SGCD: variants seen among roughly 807,000 people sequenced by gnomAD.
SGCD encodes the protein sarcoglycan delta.
Under a neutral mutation model 36.6 loss-of-function variants are expected in SGCD, and 18 were observed. The ratio of observed to expected loss-of-function variants is 0.49; its 90% CI spans 0.34 to 0.73. SGCD has a LOEUF of 0.73. Ranked by LOEUF, SGCD falls within the 30% of genes least tolerant of loss-of-function variation. The pLI is 0.01. For synonymous variants in SGCD, 133 were observed against 130.6 expected (o/e 1.02, Z -0.12); for missense variants, 387 against 346.7 (o/e 1.12, Z -0.92).
intron 1 of SGCD, among the ~76,000 whole-genome samples, chr5:155,876,835 C>T (rs943173750): frequency 1.3e-5 from 2 of 152,092 alleles, no homozygotes; most frequent in African/African-American, 4.8e-5. Flanking sequence ...ATGACCTTCA[C>T]TGTGCTTCAA....
chr5:156,659,938 C>A (rs1763837651), intron 7 of SGCD, among the ~76,000 whole-genome samples: 1 of 149,112 alleles, frequency 6.7e-6, no homozygotes, highest in African/African-American at 2.5e-5. Flanking sequence ...GGTGCCCAAT[C>A]TATAATAGTT....
chr5:156,448,731 CTTT>C (rs1158844774), intron 3 of SGCD, among the ~76,000 whole-genome samples: 1,494 of 75,922 alleles, frequency 0.02, 16 homozygotes, highest in African/African-American at 0.024. Context: ...TTTTCTTTTT[CTTT>C]TTTTTTTTTT....
At chr5:156,006,275 TGCATTATG>T (rs1457186105) in intron 1 of SGCD, among the ~76,000 whole-genome samples, 1 of 152,256 alleles carries the variant, frequency 6.6e-6, no homozygotes, top group Non-Finnish European at 1.5e-5. Context: ...AGCATTTATA[TGCATTATG>T]GCACTTTCTA....
intron 3 of SGCD, among the ~76,000 whole-genome samples, chr5:156,426,800 G>A (rs939607856): frequency 1.3e-5 from 2 of 151,500 alleles, no homozygotes; most frequent in Non-Finnish European, 3.0e-5. Flanking sequence ...TGAATAAGGT[G>A]TCCTTTCCCC....
the SGCD span, among the ~76,000 whole-genome samples, chr5:155,830,258 C>A: frequency 6.6e-6 from 1 of 152,162 alleles, no homozygotes. Context: ...GTGGGCTTCT[C>A]CTGAGGCCCC....
intron 4 of SGCD, among the ~76,000 whole-genome samples, chr5:156,529,314 AC>A (rs891097110): frequency 2.6e-5 from 4 of 151,212 alleles, no homozygotes; most frequent in African/African-American, 4.9e-5. Flanking sequence ...AGTCCCAGCT[AC>A]TCGGGAGGCT....
At chr5:156,668,751 T>TG (rs1165287689) in intron 7 of SGCD, among the ~76,000 whole-genome samples, 2 of 152,086 alleles carry the variant, frequency 1.3e-5, no homozygotes, top group African/African-American at 2.4e-5. Flanking sequence ...TGTTATCTGG[T>TG]GGAGTGTAGG....
At chr5:156,364,445 T>C (rs1769982958) in intron 3 of SGCD, among the ~76,000 whole-genome samples, 1 of 152,126 alleles carries the variant, frequency 6.6e-6, no homozygotes, top group Non-Finnish European at 1.5e-5. Context: ...TTGGGGGCAG[T>C]GCATGGCTTA....
At chr5:155,821,291 A>T in the SGCD span, among the ~76,000 whole-genome samples, 1 of 152,112 alleles carries the variant, frequency 6.6e-6, no homozygotes, top group African/African-American at 2.4e-5. Flanking sequence ...AGACTTATGT[A>T]CAAGAACAGT....
At chr5:155,730,475 G>GTGTGTGTGTGTGTGTGTGTGTGTGTGTGT in the SGCD span, among the ~76,000 whole-genome samples, 1 of 151,202 alleles carries the variant, frequency 6.6e-6, no homozygotes, top group African/African-American at 2.4e-5. Flanking sequence ...GTGTGTGTGT[G>GTGTGTGTGTGTGTGTGTGTGTGTGTGTGT]GCGAGGGGAA....
In SGCD at chr5:156,478,733, G is replaced by A. The variant is rs142800814; in HGVS notation, c.193-29868G>A. On this transcript the variant is annotated intron_variant, in intron 3 of 8. Transcript: ENST00000337851. ...GTGGCTGGGATTACAGGTGTGAGCCGCTACGCCTAGCTAATTTTTGTATTT... is the reference window on the plus strand; with the variant it reads ...GTGGCTGGGATTACAGGTGTGAGCCACTACGCCTAGCTAATTTTTGTATTT... Among the ~76,000 whole-genome samples the A allele has an allele frequency of 2.6e-3, 396 of 151,832 alleles. 2 individuals carry two copies. Among genetic ancestry groups the A allele is most frequent in the African/African-American group, 9.1e-3 (378 of 41,398 alleles).
At chr5:156,228,290 A>T (rs1392552682) in intron 3 of SGCD, among the ~76,000 whole-genome samples, 1 of 152,054 alleles carries the variant, frequency 6.6e-6, no homozygotes, top group Non-Finnish European at 1.5e-5. Context: ...TCTTAGGTCT[A>T]TTGGTAATTC....
chr5:156,589,668 G>T (rs372626984), intron 5 of SGCD, among the ~76,000 whole-genome samples: 3 of 152,300 alleles, frequency 2.0e-5, no homozygotes, highest in Non-Finnish European at 2.9e-5. Flanking sequence ...GGCTGTGTTG[G>T]ATTGGTTGAG....
At chr5:155,763,865 C>G in the SGCD span, among the ~76,000 whole-genome samples, 1 of 88,904 alleles carries the variant, frequency 1.1e-5, no homozygotes, top group African/African-American at 3.4e-5. Flanking sequence ...TTATATACCT[C>G]TCTCTCTCTC....
At chr5:155,971,085 C>T (rs1328015567) in intron 1 of SGCD, among the ~76,000 whole-genome samples, 1 of 152,100 alleles carries the variant, frequency 6.6e-6, no homozygotes. Flanking sequence ...GATAGCAGAG[C>T]TTATGAATTT....
At position 156,760,133 on chromosome 5, in the gene SGCD, T is replaced by TAAATCAGCACAAA. The variant is rs1757472981; in HGVS notation, c.*745_*757dup. On this transcript the variant is annotated 3_prime_UTR_variant, in exon 9 of 9. Transcript: ENST00000337851. The stretch of plus-strand genomic sequence containing the variant: ...TCTCCTACAGTCAAATTAGGAGCTG[T>TAAATCAGCACAAA]AAATCAGCACAAAATAAGATAACAG... The TAAATCAGCACAAA allele has an allele frequency of 1.3e-5, 2 of 152,292 alleles. No homozygotes were observed. Among genetic ancestry groups the TAAATCAGCACAAA allele is most frequent in the South Asian group, 4.1e-4 (2 of 4,820 alleles). 9.4% of individuals were successfully genotyped at this position (152,292 alleles called of 1,614,324 possible). A position where few individuals can be genotyped will look rare whatever the true frequency, so the allele number is the denominator to read the frequency against.
At chr5:156,630,009 G>A (rs1483505728) in intron 6 of SGCD, among the ~76,000 whole-genome samples, 1 of 151,926 alleles carries the variant, frequency 6.6e-6, no homozygotes, top group Admixed American at 6.6e-5. Flanking sequence ...TTACAGGCAT[G>A]TGCCACCATG....
chr5:156,047,466 T>A lies in SGCD; in HGVS notation c.-281-70412T>A, dbSNP rs1322878370. On this transcript the variant is annotated intron_variant, in intron 1 of 9. Coordinates refer to the SGCD transcript ENST00000517913. ...TCTTTTTAGGGGACAATGCATCTGG[T>A]GACTAAGTTGAAGCCAATACTTATT... 2.6e-5 allele frequency among the ~76,000 whole-genome samples: 4 copies of A among 152,098 alleles called. No homozygotes were observed. The East Asian group carries it at 7.7e-4, about 29-fold the overall frequency.
At chr5:155,952,442 T>A (rs1757566425) in intron 1 of SGCD, among the ~76,000 whole-genome samples, 1 of 152,102 alleles carries the variant, frequency 6.6e-6, no homozygotes, top group Non-Finnish European at 1.5e-5. Flanking sequence ...TTTGAACAGG[T>A]CATTTCCTCC....
Sources: gnomAD v4.1 joint callset for allele counts (sites outside exome capture counted in the v4.1 genomes callset) on GRCh38, gnomAD v4.1.1 for gene constraint, MANE v1.5 for transcripts, NCBI Gene and HGNC (gene_info 2026-07-23, HGNC 2026-07-21) for gene names.